RANBP2: variants seen among roughly 807,000 people sequenced by gnomAD.
The protein encoded by RANBP2 is E3 SUMO-protein ligase RanBP2.
A neutral mutation model predicts 303.6 loss-of-function variants in RANBP2; 57 were observed. That is an observed-to-expected ratio of 0.19 (90% CI 0.15 to 0.23). The LOEUF (loss-of-function observed/expected upper bound fraction) is 0.23. RANBP2 is among the 10% of genes least tolerant of loss of function. The pLI, the probability that RANBP2 is intolerant of heterozygous loss-of-function variation, is 1.00. For missense variants in RANBP2, 3,138 were observed against 3,780.8 expected (o/e 0.83, Z 4.46); for synonymous variants, 1,167 against 1,301.5 (o/e 0.90, Z 2.23).
At chr2:108,894,232 C>T in the RANBP2 span, among the ~76,000 whole-genome samples, 1 of 152,174 alleles carries the variant, frequency 6.6e-6, no homozygotes, top group Non-Finnish European at 1.5e-5. Context: ...CTAATGATGG[C>T]AACTTGGAAA....
chr2:109,171,302 CA>C, the RANBP2 span, among the ~76,000 whole-genome samples: 25 of 152,200 alleles, frequency 1.6e-4, no homozygotes, highest in East Asian at 1.2e-3. Flanking sequence ...ATTTCCTTGT[CA>C]TATCTATTTC....
At chr2:109,106,407 C>T in the RANBP2 span, among the ~76,000 whole-genome samples, 2 of 152,164 alleles carry the variant, frequency 1.3e-5, no homozygotes, top group Admixed American at 1.3e-4. Context: ...TAAAACTGTG[C>T]ATCACGATGC....
the RANBP2 span, among the ~76,000 whole-genome samples, chr2:109,245,725 T>A: frequency 6.6e-6 from 1 of 152,198 alleles, no homozygotes; most frequent in Non-Finnish European, 1.5e-5. Context: ...CTTAACAAAT[T>A]CAGGAAATTC....
At chr2:109,097,992 C>T in the RANBP2 span, among the ~76,000 whole-genome samples, 1 of 152,086 alleles carries the variant, frequency 6.6e-6, no homozygotes, top group African/African-American at 2.4e-5. Context: ...ACTGTGTTGC[C>T]CTTCCCCTGG....
the RANBP2 span, among the ~76,000 whole-genome samples, chr2:109,436,418 TGTC>T: frequency 6.6e-6 from 1 of 152,076 alleles, no homozygotes; most frequent in Non-Finnish European, 1.5e-5. Context: ...CTCAGAAGGA[TGTC>T]GTGCTGTGTG....
the RANBP2 span, chr2:108,930,063 A>C: frequency 6.4e-7 from 1 of 1,569,786 alleles, no homozygotes; most frequent in Non-Finnish European, 8.7e-7. Context: ...CAACAATGCC[A>C]CAAGCAGGAG....
the RANBP2 span, among the ~76,000 whole-genome samples, chr2:108,816,403 A>G: frequency 6.6e-6 from 1 of 152,134 alleles, no homozygotes; most frequent in African/African-American, 2.4e-5. Context: ...GTGAGCCAAG[A>G]TTGCAGCACT....
intron 18 of RANBP2, among the ~76,000 whole-genome samples, chr2:108,759,223 T>G (rs1676547258): frequency 1.3e-5 from 2 of 152,192 alleles, no homozygotes; most frequent in African/African-American, 2.4e-5. Context: ...CAAAAGTGCT[T>G]TGTGAATGTA....
the RANBP2 span, chr2:109,544,325 C>A: frequency 1.3e-6 from 2 of 1,581,182 alleles, no homozygotes; most frequent in South Asian, 1.2e-5. Context: ...AAAATTGGAG[C>A]TGGAAAGAAA....
chr2:109,455,280 T>A, the RANBP2 span, among the ~76,000 whole-genome samples: 3 of 152,028 alleles, frequency 2.0e-5, no homozygotes, highest in African/African-American at 7.2e-5. Flanking sequence ...GGGCCCTAGG[T>A]GTCTGCCTTC....
At chr2:109,567,837 G>A in the RANBP2 span, 1 of 1,609,422 alleles carries the variant, frequency 6.2e-7, no homozygotes, top group Non-Finnish European at 8.5e-7. Context: ...GTTGACCTTA[G>A]CAATAGTGTC....
chr2:109,371,749 A>G, the RANBP2 span: 1 of 1,379,592 alleles, frequency 7.2e-7, no homozygotes, highest in South Asian at 1.2e-5. Context: ...CAGTGGGGTC[A>G]CCTGACCTTC....
At chr2:108,751,848 T>A in intron 11 of RANBP2, 23 bp from the exon 12 acceptor site, 1 of 1,612,046 alleles carries the variant, frequency 6.2e-7, no homozygotes, top group Non-Finnish European at 8.5e-7. Context: ...AAAGCAATTT[T>A]AGTAAATTGA....
At chr2:109,084,222 C>A in the RANBP2 span, among the ~76,000 whole-genome samples, 1 of 152,208 alleles carries the variant, frequency 6.6e-6, no homozygotes, top group Admixed American at 6.5e-5. Flanking sequence ...TAACTAGGTA[C>A]CAGCATGGCC....
intron 25 of RANBP2, among the ~76,000 whole-genome samples, chr2:108,780,571 C>A (rs1678184619): frequency 6.6e-6 from 1 of 150,386 alleles, no homozygotes; most frequent in Admixed American, 6.6e-5. Context: ...GCTCTGTTGC[C>A]CAGGCTGGAG....
chr2:109,590,453 C>CA, the RANBP2 span, among the ~76,000 whole-genome samples: 4 of 150,906 alleles, frequency 2.7e-5, no homozygotes, highest in Non-Finnish European at 4.4e-5. Flanking sequence ...TCTTTTGAGA[C>CA]AGAGTTTTTG....
the RANBP2 span, chr2:109,128,962 A>G: frequency 2.4e-6 from 1 of 418,094 alleles, no homozygotes; most frequent in Non-Finnish European, 4.8e-6. Context: ...AGTGACCGTG[A>G]CCTCCGCGCG....
the RANBP2 span, among the ~76,000 whole-genome samples, chr2:109,024,239 T>C: frequency 6.6e-6 from 1 of 152,326 alleles, no homozygotes; most frequent in Non-Finnish European, 1.5e-5. Context: ...TGCTTTTATT[T>C]CTGGGTAAAA....
the RANBP2 span, among the ~76,000 whole-genome samples, chr2:108,908,591 C>A: frequency 6.6e-6 from 1 of 152,094 alleles, no homozygotes; most frequent in Non-Finnish European, 1.5e-5. Flanking sequence ...AGCGGGTGAG[C>A]TGGGTGGGCG....
Sources: gnomAD v4.1 joint callset for allele counts (sites outside exome capture counted in the v4.1 genomes callset) on GRCh38, gnomAD v4.1.1 for gene constraint, MANE v1.5 for transcripts, NCBI Gene and HGNC (gene_info 2026-07-23, HGNC 2026-07-21) for gene names.